Variants in RARB observed in about 807,000 individuals in gnomAD.
RARB encodes the protein HBV-activated protein.
RARB carries 17 observed loss-of-function variants against 51.9 expected under a neutral mutation model. The observed-to-expected ratio is 0.33, with a 90% CI of 0.22 to 0.49. RARB has a LOEUF of 0.49. RARB is among the 20% of genes least tolerant of loss of function. RARB has a pLI of 0.99. For synonymous variants in RARB, 215 were observed against 195.4 expected, an observed-to-expected ratio of 1.10 and a Z score of -0.84; for missense variants, 369 against 550.8, an observed-to-expected ratio of 0.67 and a Z score of 3.30.
At chr3:25,072,716 A>ATT (rs200445618) in intron 3 of RARB, among the ~76,000 whole-genome samples, 3,283 of 148,680 alleles carry the variant, frequency 0.022, 85 homozygotes, top group African/African-American at 0.062. Flanking sequence ...TTTTTTATTT[A>ATT]TTTTTTTTTT....
At chr3:25,296,882 G>T (rs577309556) in intron 5 of RARB, among the ~76,000 whole-genome samples, 1 of 152,122 alleles carries the variant, frequency 6.6e-6, no homozygotes, top group Non-Finnish European at 1.5e-5. Flanking sequence ...CTTCTAAACT[G>T]CCCTGGACAA....
intron 3 of RARB, among the ~76,000 whole-genome samples, chr3:25,519,962 A>T (rs571275901): frequency 6.6e-6 from 1 of 152,298 alleles, no homozygotes; most frequent in African/African-American, 2.4e-5. Flanking sequence ...TAACATCCAT[A>T]TTCACCTCAG....
Position 25,359,184 on chromosome 3 carries a change from C to T in RARB, c.179-102009C>T, listed in dbSNP as rs574464948. On this transcript the variant is annotated intron_variant, in intron 5 of 11. Transcript: ENST00000383772. Reference sequence around the variant, plus strand: ...CTTGTTTTTGGTCTATTCAGGGATTCGACGTCTTCCTGGTTTAGTCTTTGG... The same window carrying T: ...CTTGTTTTTGGTCTATTCAGGGATTTGACGTCTTCCTGGTTTAGTCTTTGG... Among the ~76,000 whole-genome samples the T allele has an allele frequency of 3.3e-5, 5 of 152,092 alleles. No individual in the cohort carries two copies. In the South Asian group the frequency reaches 6.2e-4, roughly 19 times the overall value.
intron 2 of RARB, among the ~76,000 whole-genome samples, chr3:24,875,579 G>C (rs962524287): frequency 1.3e-5 from 2 of 152,016 alleles, no homozygotes; most frequent in African/African-American, 2.4e-5. Context: ...GCTATTATTT[G>C]TATATATATT....
chr3:25,461,037 A>G (rs988058458), intron 1 of RARB, among the ~76,000 whole-genome samples, 156 bp from the exon 2 acceptor site: 1 of 152,202 alleles, frequency 6.6e-6, no homozygotes, highest in South Asian at 2.1e-4. Flanking sequence ...CAGTGTCACC[A>G]CTGCTGGGCC....
intron 2 of RARB, among the ~76,000 whole-genome samples, chr3:25,052,848 G>T (rs1394606962): frequency 6.6e-6 from 1 of 151,628 alleles, no homozygotes; most frequent in East Asian, 1.9e-4. Context: ...GCCAGGAGTA[G>T]TAAAAGTGGG....
intron 5 of RARB, among the ~76,000 whole-genome samples, chr3:25,372,048 G>C (rs899822825): frequency 2.6e-5 from 4 of 152,176 alleles, no homozygotes; most frequent in African/African-American, 9.7e-5. Flanking sequence ...GAATGAAAAA[G>C]AGAGGCATAG....
chr3:25,250,103 C>G (rs543543622), intron 5 of RARB, among the ~76,000 whole-genome samples: 2 of 152,124 alleles, frequency 1.3e-5, no homozygotes, highest in Non-Finnish European at 1.5e-5. Context: ...GTGGCTGTGA[C>G]AGGATGAACA....
intron 1 of RARB, among the ~76,000 whole-genome samples, chr3:24,842,889 G>A (rs1179611758): frequency 6.6e-6 from 1 of 152,180 alleles, no homozygotes; most frequent in Non-Finnish European, 1.5e-5. Context: ...TCACATGTTC[G>A]TTCTCTGGAG....
chr3:25,576,316 G>A (rs1021532920), intron 4 of RARB, among the ~76,000 whole-genome samples: 1 of 152,140 alleles, frequency 6.6e-6, no homozygotes, highest in Non-Finnish European at 1.5e-5. Flanking sequence ...GGAAGGCTTC[G>A]GCAGGGACAC....
rs1293619694 is a variant in RARB, at chr3:25,306,758, C to T, written c.178+132183C>T. Among the ~76,000 whole-genome samples, 3 of 152,172 alleles carry T rather than the reference C, an allele frequency of 2.0e-5. No individual in the cohort carries two copies. In the East Asian group the frequency reaches 5.8e-4, roughly 29 times the overall value. On this transcript the variant is annotated intron_variant, in intron 5 of 11. Coordinates refer to the RARB transcript ENST00000383772. ...AAAACATAGTTGGAAAGAATGTCTG[C>T]CGTTTCCACAATTTGCATACCATTA...
At chr3:24,868,419 G>A (rs540353283) in intron 2 of RARB, among the ~76,000 whole-genome samples, 1 of 152,184 alleles carries the variant, frequency 6.6e-6, no homozygotes, top group East Asian at 1.9e-4. Context: ...ACTCTGTCGT[G>A]GCTACTTTCC....
At chr3:24,902,241 A>G (rs931114474) in intron 2 of RARB, among the ~76,000 whole-genome samples, 2 of 152,150 alleles carry the variant, frequency 1.3e-5, no homozygotes, top group African/African-American at 2.4e-5. Flanking sequence ...ACTGCTTCCA[A>G]AATATATTTT....
intron 5 of RARB, among the ~76,000 whole-genome samples, chr3:25,350,127 T>C (rs1302094565): frequency 6.6e-6 from 1 of 152,154 alleles, no homozygotes; most frequent in Non-Finnish European, 1.5e-5. Flanking sequence ...AGCTTGGAAC[T>C]GGCCCATCAT....
intron 3 of RARB, among the ~76,000 whole-genome samples, chr3:25,538,786 A>G (rs1045424536): frequency 1.3e-5 from 2 of 152,244 alleles, no homozygotes; most frequent in Admixed American, 6.5e-5. Context: ...CATTTGGTGC[A>G]ACACCGAATG....
At chr3:25,339,706 T>C (rs1178673333) in intron 5 of RARB, among the ~76,000 whole-genome samples, 1 of 152,002 alleles carries the variant, frequency 6.6e-6, no homozygotes, top group Non-Finnish European at 1.5e-5. Context: ...GATCCTGTGT[T>C]ATAGCCGTGG....
At chr3:25,228,230 T>C (rs1702100011) in intron 5 of RARB, among the ~76,000 whole-genome samples, 1 of 151,104 alleles carries the variant, frequency 6.6e-6, no homozygotes, top group Admixed American at 6.6e-5. Context: ...TTTTTTTTTT[T>C]TTTTTTTGGT....
At chr3:25,069,015 A>G (rs1379396408) in intron 3 of RARB, among the ~76,000 whole-genome samples, 1 of 132,232 alleles carries the variant, frequency 7.6e-6, no homozygotes, top group Non-Finnish European at 1.6e-5. Context: ...CTTCCTCTGA[A>G]AAAAAAAAAA....
chr3:25,134,676 A>G (rs1229089726), intron 4 of RARB, among the ~76,000 whole-genome samples: 3 of 152,040 alleles, frequency 2.0e-5, no homozygotes, highest in African/African-American at 7.2e-5. Context: ...AATATTCTAC[A>G]TTAAGAACAA....
Sources: allele counts gnomAD v4.1 joint callset (sites outside exome capture counted in the v4.1 genomes callset), GRCh38; gene constraint gnomAD v4.1.1; transcripts MANE v1.5; gene names NCBI Gene and HGNC (gene_info 2026-07-23, HGNC 2026-07-21).